ANKRD28: variants seen among roughly 807,000 people sequenced by gnomAD.
ANKRD28 encodes serine/threonine-protein phosphatase 6 regulatory ankyrin repeat subunit A.
Under a neutral mutation model 126.5 loss-of-function variants are expected in ANKRD28, and 44 were observed. That is an observed-to-expected ratio of 0.35 (90% CI 0.27 to 0.45). The LOEUF is 0.45. ANKRD28 is among the 20% of genes least tolerant of loss of function. The probability of loss-of-function intolerance (pLI) is 1.00; values close to 1 mark genes in which losing one functional copy is unlikely to be tolerated. For missense variants in ANKRD28, 1,110 were observed against 1,316.6 expected (o/e 0.84, Z 2.43); for synonymous variants, 442 against 468.5 (o/e 0.94, Z 0.73).
At chr3:15,697,569 G>A (rs967503828) in intron 14 of ANKRD28, among the ~76,000 whole-genome samples, 25 of 151,936 alleles carry the variant, frequency 1.6e-4, no homozygotes, top group African/African-American at 5.1e-4. Context: ...ATTTGCGTAC[G>A]TTGAACCAGC....
intron 4 of ANKRD28, among the ~76,000 whole-genome samples, chr3:15,742,465 C>T (rs9754554): frequency 0.038 from 5,566 of 145,598 alleles, 147 homozygotes; most frequent in Non-Finnish European, 0.054. Context: ...TCTGCCCAGC[C>T]GCCCCGTCTG....
rs574471436 is a variant in ANKRD28 at position 15,812,225 on chromosome 3, A to C, written c.28-16919T>G. ...TTCTAAGATGATAATCAAAGATGGC[A>C]TCATAGAGCTGGGCACAGCGGTGTA... is the stretch of plus-strand genomic sequence containing the variant. On this transcript the variant is annotated intron_variant, in intron 1 of 27. Transcript: ENST00000399451. This position sits in a 1 kb window ranked among gnomAD's most constrained non-coding sequence, Gnocchi z 4.1. 8.5e-5 allele frequency among the ~76,000 whole-genome samples: 13 copies of C among 152,310 alleles called. 1 individual carries two copies. Among genetic ancestry groups the C allele is most frequent in the African/African-American group, 3.1e-4 (13 of 41,574 alleles).
intron 18 of ANKRD28, chr3:15,689,737 T>C: frequency 3.5e-6 from 1 of 286,036 alleles, no homozygotes; most frequent in Non-Finnish European, 6.5e-6. Context: ...TAAACAACTT[T>C]ATATGAATAT....
At chr3:15,726,171 A>G (rs1178780432) in intron 6 of ANKRD28, among the ~76,000 whole-genome samples, 1 of 152,206 alleles carries the variant, frequency 6.6e-6, no homozygotes, top group African/African-American at 2.4e-5. Context: ...ATAACCCTAC[A>G]GCAGCCCCTA....
Position 15,670,159 on chromosome 3 carries a change from C to CTG in ANKRD28, c.*109_*110dup. The CTG allele has an allele frequency of 8.1e-7, 1 of 1,234,990 alleles. No homozygotes were observed. Among genetic ancestry groups the CTG allele is most frequent in the South Asian group, 1.6e-5 (1 of 64,156 alleles). 76.5% of individuals were successfully genotyped at this position (1,234,990 alleles called of 1,614,324 possible). On this transcript the variant is annotated 3_prime_UTR_variant, in exon 28 of 28. Coordinates refer to ENST00000683139, the MANE Select transcript of ANKRD28 (RefSeq NM_001349278.2). ...CATCAGATCTCTTAACATTGGCTCACTGTGGGATCTTTCCTCTTAGGTTGA... is the reference window on the plus strand; with the variant it reads ...CATCAGATCTCTTAACATTGGCTCACTGTGTGGGATCTTTCCTCTTAGGTTGA...
intron 1 of ANKRD28, among the ~76,000 whole-genome samples, chr3:15,826,694 T>C (rs2061074218): frequency 2.6e-5 from 4 of 152,220 alleles, no homozygotes; most frequent in Admixed American, 1.3e-4. Context: ...AACATTTCTA[T>C]TTGATTAAAA....
At chr3:15,836,560 C>A (rs537118105) in intron 1 of ANKRD28, among the ~76,000 whole-genome samples, 11 of 152,094 alleles carry the variant, frequency 7.2e-5, no homozygotes, top group African/African-American at 2.7e-4. Context: ...AAAAGCAATA[C>A]CTAATTGTAT....
intron 14 of ANKRD28, among the ~76,000 whole-genome samples, 159 bp downstream of exon 14, chr3:15,707,765 A>G (rs1224527453): frequency 2.0e-5 from 3 of 152,232 alleles, no homozygotes; most frequent in Non-Finnish European, 4.4e-5. Context: ...TGATTTATCA[A>G]TAACTATGAA....
Position 15,721,074 on chromosome 3 carries a change from A to G in ANKRD28, c.837T>C (p.Asn279=), listed in dbSNP as rs1196490793. 6.2e-7 allele frequency: 1 copy of G among 1,613,800 alleles called. No individual in the cohort carries two copies. The highest frequency in any genetic ancestry group is 1.1e-5 in the South Asian group (1 of 91,042). ...GNTPLHVACY[N]GQDVVVNELI... is the part of the protein sequence containing the mutation. ...GTTCATTCACTACAACATCTTGTCC[A>G]TTATAGCAGGCTACATGAAGAGGTG... The change falls in exon 8 of 28, where the codon AAT becomes AAC. Residue 279 remains asparagine (N), a synonymous_variant. Coordinates refer to ENST00000683139, the MANE Select transcript of ANKRD28 (RefSeq NM_001349278.2).
intron 8 of ANKRD28, among the ~76,000 whole-genome samples, chr3:15,716,281 CTTTTTTTT>C (rs373633047): frequency 1.8e-5 from 2 of 113,680 alleles, no homozygotes; most frequent in Non-Finnish European, 3.8e-5. Context: ...CGCACCTGGA[CTTTTTTTT>C]TTTTTTTTTT....
At chr3:15,720,218 C>CA (rs147710728) in intron 8 of ANKRD28, among the ~76,000 whole-genome samples, 14,795 of 150,748 alleles carry the variant, frequency 0.098, 793 homozygotes, top group South Asian at 0.13. Flanking sequence ...GTGATTCTAA[C>CA]AAAAAAAAAC....
At chr3:15,772,138 A>G (rs890474046) in intron 2 of ANKRD28, among the ~76,000 whole-genome samples, 3 of 152,202 alleles carry the variant, frequency 2.0e-5, no homozygotes, top group African/African-American at 7.2e-5. Flanking sequence ...TCTTAAATCA[A>G]TAATTTAAGC....
exon 1 of ANKRD28, chr3:15,859,546 CT>C (rs71064238): frequency 1 from 541,986 of 543,014 alleles, 270,484 homozygotes; most frequent in East Asian, 1. Context: ...CTGAGAAGAC[CT>C]GCGGGCAGGG....
chr3:15,780,383 C>A (rs974043352), intron 2 of ANKRD28, among the ~76,000 whole-genome samples: 1 of 151,830 alleles, frequency 6.6e-6, no homozygotes, highest in Non-Finnish European at 1.5e-5. Flanking sequence ...GATCTGTATA[C>A]TAAAAACTAT....
At chr3:15,725,597 G>GA (rs2074096537) in intron 6 of ANKRD28, among the ~76,000 whole-genome samples, 1 of 152,098 alleles carries the variant, frequency 6.6e-6, no homozygotes, top group Non-Finnish European at 1.5e-5. Context: ...ATCAGCATGT[G>GA]TTCATTTCAT....
At chr3:15,740,294 A>T (rs907971612) in intron 4 of ANKRD28, among the ~76,000 whole-genome samples, 1 of 152,244 alleles carries the variant, frequency 6.6e-6, no homozygotes, top group Non-Finnish European at 1.5e-5. Context: ...CTTGACTGGG[A>T]TAAAGGTTAC....
At chr3:15,831,265 T>C (rs1362641040) in intron 1 of ANKRD28, among the ~76,000 whole-genome samples, 2 of 152,076 alleles carry the variant, frequency 1.3e-5, no homozygotes, top group African/African-American at 4.8e-5. Context: ...CAAAAGCCAA[T>C]CCCCACCTAC....
rs989794736 is a variant in ANKRD28, at chr3:15,803,995, C to A, written c.28-8689G>T. 2.1e-5 allele frequency among the ~76,000 whole-genome samples: 3 copies of A among 145,190 alleles called. 1 individual carries two copies. Among genetic ancestry groups the A allele is most frequent in the Non-Finnish European group, 4.5e-5 (3 of 67,106 alleles). ...TGGTGAGATCTGGCTCAATTCTACT[C>A]AATCCAGTACACTGAAATTATCTAA... On this transcript the variant is annotated intron_variant, in intron 1 of 27. Transcript: ENST00000399451.
chr3:15,735,314 AC>A (rs1273667514), intron 6 of ANKRD28, 95 bp downstream of exon 6: 5 of 1,001,764 alleles, frequency 5.0e-6, no homozygotes, highest in Non-Finnish European at 7.1e-6. Context: ...GCTTTTCAGT[AC>A]CCTTAAAGAC....
Sources: gnomAD v4.1 joint callset for allele counts (sites outside exome capture counted in the v4.1 genomes callset) on GRCh38, gnomAD v4.1.1 for gene constraint, Gnocchi (gnomAD v3.1) non-coding constraint, MANE v1.5 for transcripts, NCBI Gene and HGNC (gene_info 2026-07-23, HGNC 2026-07-21) for gene names.